Variants in CPEB3 observed in about 807,000 individuals in gnomAD.
CPEB3 encodes the protein cytoplasmic polyadenylation element binding protein 3, also known as cytoplasmic polyadenylation element-binding protein 3.
In CPEB3, 20 loss-of-function variants were observed where a neutral mutation model predicts 67.2. The ratio of observed to expected loss-of-function variants is 0.30; its 90% confidence interval spans 0.21 to 0.43. The LOEUF (loss-of-function observed/expected upper bound fraction) is 0.43, where lower values mean the gene tolerates loss of function less well. Ranked by LOEUF, CPEB3 falls within the 20% of genes least tolerant of loss-of-function variation. CPEB3 has a pLI of 1.00. For missense variants in CPEB3, 746 were observed against 968.6 expected, an observed-to-expected ratio of 0.77 and a Z score of 3.05; for synonymous variants, 376 against 393.1, an observed-to-expected ratio of 0.96 and a Z score of 0.51.
chr10:92,284,227 C>G (rs942251813), intron 1 of CPEB3, among the ~76,000 whole-genome samples: 1 of 151,298 alleles, frequency 6.6e-6, no homozygotes, highest in Non-Finnish European at 1.5e-5. Flanking sequence ...TTAGTAGAGA[C>G]GGAGTTTCAC....
At chr10:92,280,913 C>T (rs773881435) in intron 1 of CPEB3, among the ~76,000 whole-genome samples, 1 of 151,428 alleles carries the variant, frequency 6.6e-6, no homozygotes, top group Non-Finnish European at 1.5e-5. Flanking sequence ...GTGTGTGCCA[C>T]CACGCCCGGC....
chr10:92,212,634 G>C (rs1456349565), intron 2 of CPEB3, among the ~76,000 whole-genome samples: 1 of 152,140 alleles, frequency 6.6e-6, no homozygotes, highest in African/African-American at 2.4e-5. Flanking sequence ...AGAATAAACT[G>C]AGATGTGCTG....
chr10:92,213,563 A>G (rs1850198114), intron 2 of CPEB3, among the ~76,000 whole-genome samples: 1 of 152,224 alleles, frequency 6.6e-6, no homozygotes, highest in Admixed American at 6.5e-5. Flanking sequence ...CAGGCATAAT[A>G]TATCAATTTC....
intron 4 of CPEB3, among the ~76,000 whole-genome samples, chr10:92,172,353 G>T (rs1461488759): frequency 6.6e-6 from 1 of 152,110 alleles, no homozygotes; most frequent in Non-Finnish European, 1.5e-5. Flanking sequence ...TGTGTGGAGG[G>T]TAATGAAGAA....
At chr10:92,145,288 G>C (rs1846625246) in intron 4 of CPEB3, among the ~76,000 whole-genome samples, 1 of 152,116 alleles carries the variant, frequency 6.6e-6, no homozygotes, top group Non-Finnish European at 1.5e-5. Context: ...TCATTTTTGT[G>C]TAAGGGTAGG....
chr10:92,220,710 C>T (rs542109998), intron 2 of CPEB3, among the ~76,000 whole-genome samples: 1 of 152,210 alleles, frequency 6.6e-6, no homozygotes, highest in East Asian at 1.9e-4. Flanking sequence ...ATTGTTCTTA[C>T]CAGGCCTTGA....
At chr10:92,072,069 C>T (rs1842774173) in intron 9 of CPEB3, among the ~76,000 whole-genome samples, 1 of 152,120 alleles carries the variant, frequency 6.6e-6, no homozygotes, top group Non-Finnish European at 1.5e-5. Flanking sequence ...TAATCCTAAC[C>T]TGTATTTCAT....
chr10:92,091,764 G>T, intron 8 of CPEB3, 66 bp downstream of exon 8: 1 of 940,744 alleles, frequency 1.1e-6, no homozygotes. Flanking sequence ...AAATATTTAA[G>T]ACTAAAGGCA....
chr10:92,073,032 CTCTG>C (rs1360357020), intron 9 of CPEB3, among the ~76,000 whole-genome samples: 2 of 135,536 alleles, frequency 1.5e-5, no homozygotes, highest in Non-Finnish European at 3.1e-5. Flanking sequence ...AGGCATGAAT[CTCTG>C]TCTTTTTTTT....
In CPEB3 at chr10:92,165,043, A is replaced by AT. The variant is rs767567579; in HGVS notation, c.1222+15919dup. 9.9e-4 allele frequency among the ~76,000 whole-genome samples: 151 copies of AT among 152,166 alleles called. 1 individual carries two copies. The highest frequency in any genetic ancestry group is 2.0e-3 in the Non-Finnish European group (134 of 68,006). ...ATATCACAGTAAAGCAAGTCACACA[A>AT]TTTTTTTATTTCCTAGCGCATACAA... is the stretch of plus-strand genomic sequence containing the variant. On this transcript the variant is annotated intron_variant, in intron 4 of 9. Coordinates refer to ENST00000265997, the MANE Select transcript of CPEB3 (RefSeq NM_014912.5).
chr10:92,092,158 A>G (rs1020555347), intron 7 of CPEB3, among the ~76,000 whole-genome samples: 8 of 152,218 alleles, frequency 5.3e-5, no homozygotes, highest in African/African-American at 1.9e-4. Flanking sequence ...CACTCTAGAC[A>G]TATGACATAT....
intron 2 of CPEB3, among the ~76,000 whole-genome samples, chr10:92,215,355 T>C (rs1850307670): frequency 6.7e-6 from 1 of 149,870 alleles, no homozygotes; most frequent in Non-Finnish European, 1.5e-5. Flanking sequence ...GGTTTCACCA[T>C]GTTGGCCAGG....
intron 4 of CPEB3, among the ~76,000 whole-genome samples, chr10:92,174,794 A>G (rs1744031771): frequency 6.6e-6 from 1 of 152,182 alleles, no homozygotes; most frequent in African/African-American, 2.4e-5. Context: ...AAGATCTCGG[A>G]AAAGGAATGG....
chr10:92,061,419 CAA>C (rs148327302), intron 9 of CPEB3, among the ~76,000 whole-genome samples: 178 of 93,314 alleles, frequency 1.9e-3, no homozygotes, highest in African/African-American at 6.1e-3. Flanking sequence ...AATTCTGTCT[CAA>C]AAAAAAAAAA....
chr10:92,080,080 G>A (rs542595880), intron 9 of CPEB3, among the ~76,000 whole-genome samples: 317 of 151,736 alleles, frequency 2.1e-3, no homozygotes, highest in Non-Finnish European at 3.6e-3. Context: ...CATGGCGGGC[G>A]TCTGTAGTCC....
intron 4 of CPEB3, among the ~76,000 whole-genome samples, chr10:92,156,055 G>A (rs1847194129): frequency 6.6e-6 from 1 of 152,008 alleles, no homozygotes; most frequent in African/African-American, 2.4e-5. Context: ...CGCTACGTAG[G>A]GCCCAGTGTT....
chr10:92,092,970 T>G (rs1007510899), intron 7 of CPEB3, among the ~76,000 whole-genome samples: 1 of 152,240 alleles, frequency 6.6e-6, no homozygotes, highest in Admixed American at 6.5e-5. Flanking sequence ...TAGTTTGTAC[T>G]ATTTTATCAC....
At chr10:92,072,699 C>T (rs1003677671) in intron 9 of CPEB3, among the ~76,000 whole-genome samples, 3 of 152,190 alleles carry the variant, frequency 2.0e-5, no homozygotes, top group African/African-American at 7.2e-5. Flanking sequence ...TGTTCAACTA[C>T]AGCAATGGTT....
intron 9 of CPEB3, among the ~76,000 whole-genome samples, chr10:92,078,387 G>A (rs1031765697): frequency 2.0e-5 from 3 of 152,022 alleles, no homozygotes; most frequent in African/African-American, 4.8e-5. Flanking sequence ...AATACCTTTC[G>A]ACCTGCCTTA....
Sources: allele counts gnomAD v4.1 joint callset (sites outside exome capture counted in the v4.1 genomes callset), GRCh38; gene constraint gnomAD v4.1.1; transcripts MANE v1.5; gene names NCBI Gene and HGNC (gene_info 2026-07-23, HGNC 2026-07-21).